Variants in PABPC3 observed in about 807,000 individuals in gnomAD.
PABPC3 encodes the protein poly(A) binding protein cytoplasmic 3.
Under a neutral mutation model 43.0 loss-of-function variants are expected in PABPC3, and 43 were observed. That is an observed-to-expected ratio of 1.00 (90% CI 0.78 to 1.29). The LOEUF is 1.29. Among genes scored for constraint, PABPC3 ranks in the 50% most tolerant of loss-of-function variants. The pLI, the probability that PABPC3 is intolerant of heterozygous loss-of-function variation, is 0.00. For missense variants in PABPC3, 784 were observed against 798.1 expected (o/e 0.98, Z 0.21); for synonymous variants, 221 against 274.6 (o/e 0.80, Z 1.93).
At position 25,097,046 on chromosome 13, in the gene PABPC3, T is replaced by G. The variant is rs1457266937; in HGVS notation, c.848T>G (p.Met283Arg). 6.2e-7 allele frequency: 1 copy of G among 1,614,028 alleles called. No individual in the cohort carries two copies. Among genetic ancestry groups the G allele is most frequent in the African/African-American group, 1.3e-5 (1 of 74,918 alleles). Residue 283 changes from methionine to arginine, a missense_variant, in exon 1 of 1, where the codon ATG (methionine) becomes AGG (arginine). By Grantham distance (91) the Met-to-Arg change is moderately conservative. Coordinates refer to ENST00000281589, the MANE Select transcript of PABPC3 (RefSeq NM_030979.3). ...QTELKRTFEQ[M>R]KQDRITRYQV... The stretch of plus-strand genomic sequence containing the variant: ...GAACTTAAGCGCACATTTGAACAGA[T>G]GAAGCAAGATAGGATCACCAGATAC...
In PABPC3 at chr13:25,096,909, C is replaced by T. The variant is rs374892718; in HGVS notation, c.711C>T (p.Ser237=). ...SGKSKGFGFV[S]FERHEDAQKA... ...AATCCAAAGGATTTGGATTTGTAAG[C>T]TTTGAAAGGCATGAAGATGCACAGA... Residue 237 remains serine, a synonymous_variant, in exon 1 of 1, where the codon AGC becomes AGT. Coordinates refer to ENST00000281589, the MANE Select transcript of PABPC3 (RefSeq NM_030979.3). 6 of 1,614,132 alleles carry T rather than the reference C, an allele frequency of 3.7e-6. No homozygotes were observed. Among genetic ancestry groups the T allele is most frequent in the Non-Finnish European group, 5.1e-6 (6 of 1,180,036 alleles).
In PABPC3 at chr13:25,097,409, T is replaced by C; in HGVS notation, c.1211T>C (p.Met404Thr). The change falls in exon 1 of 1, where the codon ATG becomes ACG. Residue 404 changes from methionine (M) to threonine (T), a missense_variant. By Grantham distance (81) the Met-to-Thr change is moderately conservative (BLOSUM62 -1). Coordinates refer to ENST00000281589, the MANE Select transcript of PABPC3 (RefSeq NM_030979.3). ...CGAGCACCTCCTTCAGGTTACTTCA[T>C]GACAGCTGTCCCACAGACTCAGAAC... ...NQRAPPSGYF[M>T]TAVPQTQNHA... The C allele has an allele frequency of 6.2e-7, 1 of 1,614,128 alleles. No homozygotes were observed. The highest frequency in any genetic ancestry group is 1.3e-5 in the African/African-American group (1 of 75,026).
rs757508175 is a variant in PABPC3 at position 25,096,573 on chromosome 13, C to T, written c.375C>T (p.Ile125=). 1.2e-5 allele frequency: 19 copies of T among 1,614,246 alleles called. No homozygotes were observed. In the Admixed American group the frequency reaches 2.5e-4, roughly 21 times the overall value. ...LYDTVSAFGN[I]LSCNVVCDEN... Reference sequence around the variant, plus strand: ...ATACAGTTTCTGCTTTTGGTAACATCCTTTCGTGTAACGTGGTTTGTGATG... The same window carrying T: ...ATACAGTTTCTGCTTTTGGTAACATTCTTTCGTGTAACGTGGTTTGTGATG... The change falls in exon 1 of 1, where the codon ATC becomes ATT. Residue 125 remains isoleucine (I), a synonymous_variant. Transcript: ENST00000281589.
At position 25,099,102 on chromosome 13, in the gene PABPC3, A is replaced by T. The variant is rs911816193; in HGVS notation, c.*1008A>T. 6.0e-6 allele frequency: 1 copy of T among 166,230 alleles called. No individual in the cohort carries two copies. The highest frequency in any genetic ancestry group is 2.4e-5 in the African/African-American group (1 of 41,370). The allele number at this position is 166,230 out of a possible 1,614,324, so 10.3% of individuals were successfully genotyped here. On this transcript the variant is annotated 3_prime_UTR_variant, in exon 1 of 1. Coordinates refer to ENST00000281589, the MANE Select transcript of PABPC3 (RefSeq NM_030979.3). ...CTTTATTGGTAATATTAATTAATAT[A>T]AATATTTATAATTAATGTTACACCT...
rs1956040780 is a variant in PABPC3 at position 25,096,755 on chromosome 13, G to A, written c.557G>A (p.Arg186Lys). ...GAACGAGAAGCTGAACTTGGAGCTAGGGCAAAAGAGTTCCCCAATGTTTAC... is the reference window on the plus strand; with the variant it reads ...GAACGAGAAGCTGAACTTGGAGCTAAGGCAAAAGAGTTCCCCAATGTTTAC... ...RKEREAELGA[R>K]AKEFPNVYIK... is the part of the protein sequence containing the mutation. Residue 186 changes from arginine (R) to lysine (K), a missense_variant, in exon 1 of 1, where the codon AGG becomes AAG. Transcript: ENST00000281589. 2 of 1,614,178 alleles carry A rather than the reference G, an allele frequency of 1.2e-6. No individual in the cohort carries two copies. The highest frequency in any genetic ancestry group is 2.7e-5 in the African/African-American group (2 of 74,962).
In PABPC3 at chr13:25,097,059, G is replaced by A. The variant is rs139504722; in HGVS notation, c.861G>A (p.Arg287=). 3 of 1,614,142 alleles carry A rather than the reference G, an allele frequency of 1.9e-6. No individual in the cohort carries two copies. The Admixed American group carries it at 5.0e-5, about 27-fold the overall frequency. Residue 287 remains arginine, a synonymous_variant, in exon 1 of 1, where the codon AGG becomes AGA. Transcript: ENST00000281589. ...KRTFEQMKQD[R]ITRYQVVNLY... ...CATTTGAACAGATGAAGCAAGATAGGATCACCAGATACCAGGTTGTTAATC... is the reference window on the plus strand; with the variant it reads ...CATTTGAACAGATGAAGCAAGATAGAATCACCAGATACCAGGTTGTTAATC...
At position 25,096,190 on chromosome 13, in the gene PABPC3, G is replaced by T. The variant is rs761057217; in HGVS notation, c.-9G>T. 1 of 1,605,900 alleles carries T rather than the reference G, an allele frequency of 6.2e-7. No individual in the cohort carries two copies. Among genetic ancestry groups the T allele is most frequent in the Non-Finnish European group, 8.5e-7 (1 of 1,174,746 alleles). On this transcript the variant is annotated 5_prime_UTR_variant, in exon 1 of 1. Coordinates refer to ENST00000281589, the MANE Select transcript of PABPC3 (RefSeq NM_030979.3). ...GCGGCTTGTGTGCCTGCGGGCAGCC[G>T]TGCCGAGAATGAACCCCAGCACCCC... is the stretch of plus-strand genomic sequence containing the variant.
Position 25,096,182 on chromosome 13 carries a change from G to C in PABPC3, c.-17G>C, listed in dbSNP as rs1343954712. ...GAAAGGTCGCGGCTTGTGTGCCTGC[G>C]GGCAGCCGTGCCGAGAATGAACCCC... On this transcript the variant is annotated 5_prime_UTR_variant, in exon 1 of 1. Coordinates refer to ENST00000281589, the MANE Select transcript of PABPC3 (RefSeq NM_030979.3). 3 of 1,600,890 alleles carry C rather than the reference G, an allele frequency of 1.9e-6. No homozygotes were observed. Among genetic ancestry groups the C allele is most frequent in the East Asian group, 4.5e-5 (2 of 44,728 alleles).
Position 25,096,962 on chromosome 13 carries a change from A to C in PABPC3, c.764A>C (p.Glu255Ala). 1 of 1,614,240 alleles carries C rather than the reference A, an allele frequency of 6.2e-7. No homozygotes were observed. The highest frequency in any genetic ancestry group is 1.7e-5 in the Admixed American group (1 of 60,036). ...GCTGTAGATGAGATGAATGGAAAGG[A>C]GCTCAATGGAAAACAAATTTACGTT... The part of the protein sequence containing the change: ...QKAVDEMNGK[E>A]LNGKQIYVGR... The change falls in exon 1 of 1, where the codon GAG becomes GCG. Residue 255 changes from glutamate to alanine, a missense_variant. Transcript: ENST00000281589.
Position 25,098,262 on chromosome 13 carries a change from T to A in PABPC3, c.*168T>A. ...CCTTATGTACCGAGCAAATGCAAGGTCTAGCAAATATAATGCTAGTCCTAG... is the reference window on the plus strand; with the variant it reads ...CCTTATGTACCGAGCAAATGCAAGGACTAGCAAATATAATGCTAGTCCTAG... On this transcript the variant is annotated 3_prime_UTR_variant, in exon 1 of 1. Coordinates refer to ENST00000281589, the MANE Select transcript of PABPC3 (RefSeq NM_030979.3). 1.6e-6 allele frequency: 1 copy of A among 617,350 alleles called. No individual in the cohort carries two copies. The highest frequency in any genetic ancestry group is 2.8e-5 in the East Asian group (1 of 35,744). 38.2% of individuals were successfully genotyped at this position (617,350 alleles called of 1,614,324 possible).
chr13:25,098,026 C>T, the PABPC3 span: 55 of 1,613,860 alleles, frequency 3.4e-5, no homozygotes, highest in Non-Finnish European at 4.1e-5. Context: ...AGCTGTACTA[C>T]AAGCCCACCA....
rs192517716 is a variant in PABPC3 at position 25,098,871 on chromosome 13, A to G, written c.*777A>G. ...GGAGGCTAAACATGGTTCTGATCAC[A>G]GAGATAATCACTTTTAATCATTTGG... is the stretch of plus-strand genomic sequence containing the variant. On this transcript the variant is annotated 3_prime_UTR_variant, in exon 1 of 1. Coordinates refer to ENST00000281589, the MANE Select transcript of PABPC3 (RefSeq NM_030979.3). 1.1e-3 allele frequency: 176 copies of G among 167,062 alleles called. 3 individuals carry two copies. The highest frequency in any genetic ancestry group is 3.9e-3 in the African/African-American group (163 of 41,578). The allele number at this position is 167,062 out of a possible 1,614,324, so 10.3% of individuals were successfully genotyped here. A position where few individuals can be genotyped will look rare whatever the true frequency, so the allele number is the denominator to read the frequency against.
chr13:25,098,154 C>A lies in PABPC3; in HGVS notation c.*60C>A. ...TCACCGAAGAAAAATATCTAAACATCGAGAAACTATGGGAAAAAAAATTGC... is the reference window on the plus strand; with the variant it reads ...TCACCGAAGAAAAATATCTAAACATAGAGAAACTATGGGAAAAAAAATTGC... On this transcript the variant is annotated 3_prime_UTR_variant, in exon 1 of 1. Coordinates refer to ENST00000281589, the MANE Select transcript of PABPC3 (RefSeq NM_030979.3). The A allele has an allele frequency of 2.8e-6, 4 of 1,422,134 alleles. No homozygotes were observed. The highest frequency in any genetic ancestry group is 3.9e-6 in the Non-Finnish European group (4 of 1,031,268). 88.1% of individuals were successfully genotyped at this position (1,422,134 alleles called of 1,614,324 possible).
rs771451414 is a variant in PABPC3, at chr13:25,098,005, G to C, written c.1807G>C (p.Asp603His). ...ESPESLRSKV[D>H]EAVAVLQAHQ... ...TCCAGAGTCACTCCGTTCTAAGGTT[G>C]ATGAAGCTGTAGCTGTACTACAAGC... Residue 603 changes from aspartate (D) to histidine (H), a missense_variant, in exon 1 of 1, where the codon GAT becomes CAT. By Grantham distance (81) the Asp-to-His change is moderately conservative. Transcript: ENST00000281589. 1.2e-6 allele frequency: 2 copies of C among 1,613,996 alleles called. No homozygotes were observed. Among genetic ancestry groups the C allele is most frequent in the South Asian group, 2.2e-5 (2 of 91,074 alleles).
Position 25,097,266 on chromosome 13 carries a change from A to T in PABPC3, c.1068A>T (p.Arg356Ser), listed in dbSNP as rs780001203. ...AAGCAGTTACAGAAATGAACGGTAGAATTGTGGCCACAAAGCCATTGTATG... is the reference window on the plus strand; with the variant it reads ...AAGCAGTTACAGAAATGAACGGTAGTATTGTGGCCACAAAGCCATTGTATG... The part of the protein sequence containing the change: ...ATKAVTEMNG[R>S]IVATKPLYVA... Residue 356 changes from arginine (R) to serine (S), a missense_variant, in exon 1 of 1, where the codon AGA becomes AGT. By Grantham distance (110) the Arg-to-Ser change is moderately radical. Transcript: ENST00000281589. 1.2e-6 allele frequency: 2 copies of T among 1,614,188 alleles called. No homozygotes were observed. Among genetic ancestry groups the T allele is most frequent in the Non-Finnish European group, 1.7e-6 (2 of 1,180,064 alleles).
At position 25,097,512 on chromosome 13, in the gene PABPC3, T is replaced by A. The variant is rs1353816019; in HGVS notation, c.1314T>A (p.Pro438=). The A allele has an allele frequency of 4.3e-6, 7 of 1,614,124 alleles. No homozygotes were observed. Among genetic ancestry groups the A allele is most frequent in the Non-Finnish European group, 5.9e-6 (7 of 1,180,048 alleles). ...SPRWTAQGAR[P]HPFQNKPSAI... is the part of the protein sequence containing the mutation. ...GCTGGACTGCTCAGGGTGCCAGACC[T>A]CATCCATTCCAAAATAAGCCCAGTG... Residue 438 remains proline (P), a synonymous_variant, in exon 1 of 1, where the codon CCT becomes CCA. Coordinates refer to ENST00000281589, the MANE Select transcript of PABPC3 (RefSeq NM_030979.3).
chr13:25,099,104 ATATT>A lies in PABPC3; in HGVS notation c.*1014_*1017del, dbSNP rs1170120341. The stretch of plus-strand genomic sequence containing the variant: ...TTATTGGTAATATTAATTAATATAA[ATATT>A]TATAATTAATGTTACACCTAGTGAA... On this transcript the variant is annotated 3_prime_UTR_variant, in exon 1 of 1. Coordinates refer to ENST00000281589, the MANE Select transcript of PABPC3 (RefSeq NM_030979.3). 1 of 166,172 alleles carries A rather than the reference ATATT, an allele frequency of 6.0e-6. No individual in the cohort carries two copies. Among genetic ancestry groups the A allele is most frequent in the African/African-American group, 2.4e-5 (1 of 41,360 alleles). The allele number at this position is 166,172 out of a possible 1,614,324, so 10.3% of individuals were successfully genotyped here. A position where few individuals can be genotyped will look rare whatever the true frequency, so the allele number is the denominator to read the frequency against.
At position 25,098,534 on chromosome 13, in the gene PABPC3, T is replaced by C. The variant is rs1956061899; in HGVS notation, c.*440T>C. ...GGAAACATGGTTTGGATTATAAAAT[T>C]CTTGCTTTAATAAAAATTTCTTAAA... On this transcript the variant is annotated 3_prime_UTR_variant, in exon 1 of 1. Transcript: ENST00000281589. 1 of 167,892 alleles carries C rather than the reference T, an allele frequency of 6.0e-6. No individual in the cohort carries two copies. The highest frequency in any genetic ancestry group is 2.1e-4 in the South Asian group (1 of 4,858). The allele number at this position is 167,892 out of a possible 1,614,324, so 10.4% of individuals were successfully genotyped here.
chr13:25,096,583 A>C lies in PABPC3; in HGVS notation c.385A>C (p.Asn129His). The change falls in exon 1 of 1, where the codon AAC becomes CAC. Residue 129 changes from asparagine to histidine, a missense_variant. By Grantham distance (68) the Asn-to-His change is moderately conservative. Coordinates refer to ENST00000281589, the MANE Select transcript of PABPC3 (RefSeq NM_030979.3). ...TGCTTTTGGTAACATCCTTTCGTGT[A>C]ACGTGGTTTGTGATGAAAATGGTTC... is the stretch of plus-strand genomic sequence containing the variant. Reference protein sequence around the residue: ...VSAFGNILSCNVVCDENGSKG... With the variant: ...VSAFGNILSCHVVCDENGSKG... The C allele has an allele frequency of 2.5e-6, 4 of 1,614,280 alleles. No individual in the cohort carries two copies. The South Asian group carries it at 4.4e-5, about 18-fold the overall frequency.
Sources: allele counts gnomAD v4.1 joint callset, GRCh38; gene constraint gnomAD v4.1.1; transcripts MANE v1.5; gene names NCBI Gene and HGNC (gene_info 2026-07-23, HGNC 2026-07-21).